The following UBE2O variants were observed in gnomAD, a reference collection of about 807,000 sequenced individuals.
The protein encoded by UBE2O is (E3-independent) E2 ubiquitin-conjugating enzyme.
Under a neutral mutation model 125.8 loss-of-function variants are expected in UBE2O, and 15 were observed. The observed-to-expected ratio is 0.12, with a 90% CI of 0.08 to 0.18. UBE2O has a LOEUF of 0.18. Among genes scored for constraint, UBE2O ranks in the 10% least tolerant of loss-of-function variants. UBE2O has a pLI of 1.00. For synonymous variants in UBE2O, 708 were observed against 703.2 expected, an observed-to-expected ratio of 1.01 and a Z score of -0.11; for missense variants, 1,280 against 1,723.6, an observed-to-expected ratio of 0.74 and a Z score of 4.56.
chr17:76,397,976 G>A (rs2072245971), intron 12 of UBE2O, 88 bp from the exon 13 acceptor site: 6 of 1,413,162 alleles, frequency 4.2e-6, no homozygotes, highest in South Asian at 1.2e-5. Context: ...CTGACATCAT[G>A]CCCACCTGGC....
chr17:76,400,868 C>T lies in UBE2O; in HGVS notation c.894+143G>A. On this transcript the variant is annotated intron_variant, in intron 6 of 17. Coordinates refer to ENST00000319380, the MANE Select transcript of UBE2O (RefSeq NM_022066.4). The surrounding 1 kb of genome is among the most constrained non-coding windows in gnomAD (Gnocchi z 4.3). Reference sequence around the variant, plus strand: ...TGACCAGAGCCTGGGTTCCCTTTATCCCCAAAGCCCTTTGAGATCAACAGG... The same window carrying T: ...TGACCAGAGCCTGGGTTCCCTTTATTCCCAAAGCCCTTTGAGATCAACAGG... 1 of 1,046,702 alleles carries T rather than the reference C, an allele frequency of 9.6e-7. No homozygotes were observed. The highest frequency in any genetic ancestry group is 1.4e-6 in the Non-Finnish European group (1 of 738,820). 64.8% of individuals were successfully genotyped at this position (1,046,702 alleles called of 1,614,324 possible).
Position 76,398,901 on chromosome 17 carries a change from G to C in UBE2O, c.1719C>G (p.Leu573=). 1 of 1,614,164 alleles carries C rather than the reference G, an allele frequency of 6.2e-7. No individual in the cohort carries two copies. The highest frequency in any genetic ancestry group is 2.2e-5 in the East Asian group (1 of 44,878). Reference sequence around the variant, plus strand: ...TGTTGTCCAGGTGGTGCACAGGGAAGAGGTCGTTGGAGCGGATGTTGCATT... The same window carrying C: ...TGTTGTCCAGGTGGTGCACAGGGAACAGGTCGTTGGAGCGGATGTTGCATT... ...SVECNIRSND[L]FPVHHLDNNE... Residue 573 remains leucine, a synonymous_variant, in exon 10 of 18, where the codon CTC becomes CTG. Transcript: ENST00000319380. The surrounding 1 kb of genome is among the most constrained non-coding windows in gnomAD (Gnocchi z 5.4).
At position 76,391,305 on chromosome 17, in the gene UBE2O, C is replaced by G. The variant is rs1478591515; in HGVS notation, c.3517G>C (p.Ala1173Pro). The part of the protein sequence containing the change: ...PKASSSPEPP[A>P]VAELSDSGQQ... Reference sequence around the variant, plus strand: ...CCGGAGTCTGACAGCTCGGCTACAGCTGGGGGCTCTGGCGAGCTGCTGGCC... The same window carrying G: ...CCGGAGTCTGACAGCTCGGCTACAGGTGGGGGCTCTGGCGAGCTGCTGGCC... The change falls in exon 18 of 18, where the codon GCT (alanine) becomes CCT (proline). Residue 1173 changes from alanine to proline, a missense_variant. Around this residue, in one of 10 missense-constraint regions of UBE2O, gnomAD observed 233 missense variants for 279.0 expected, o/e 0.84. Coordinates refer to ENST00000319380, the MANE Select transcript of UBE2O (RefSeq NM_022066.4). The surrounding 1 kb of genome is among the most constrained non-coding windows in gnomAD (Gnocchi z 8.4). 1.2e-6 allele frequency: 2 copies of G among 1,612,908 alleles called. No individual in the cohort carries two copies. The highest frequency in any genetic ancestry group is 1.7e-6 in the Non-Finnish European group (2 of 1,180,004).
Position 76,395,517 on chromosome 17 carries a change from A to C in UBE2O, c.2946+208T>G. 2 of 516,754 alleles carry C rather than the reference A, an allele frequency of 3.9e-6. No individual in the cohort carries two copies. The highest frequency in any genetic ancestry group is 3.3e-6 in the Non-Finnish European group (1 of 300,134). 32.0% of individuals were successfully genotyped at this position (516,754 alleles called of 1,614,324 possible). ...GAGAAAGTAATTTTTTAAAGGAGGG[A>C]GGAAAGAAAGAACCATCTGGCCTGG... On this transcript the variant is annotated intron_variant, in intron 15 of 17. Coordinates refer to ENST00000319380, the MANE Select transcript of UBE2O (RefSeq NM_022066.4). The surrounding 1 kb of genome is among the most constrained non-coding windows in gnomAD (Gnocchi z 5.0).
intron 3 of UBE2O, among the ~76,000 whole-genome samples, chr17:76,403,652 T>C (rs775876087): frequency 6.6e-5 from 10 of 152,176 alleles, no homozygotes; most frequent in Non-Finnish European, 1.0e-4. Flanking sequence ...ATATAATACA[T>C]ATGTATTTCC....
At position 76,404,357 on chromosome 17, in the gene UBE2O, CG is replaced by C. The variant is rs879556686; in HGVS notation, c.588+848del. On this transcript the variant is annotated intron_variant, in intron 3 of 17. Coordinates refer to ENST00000319380, the MANE Select transcript of UBE2O (RefSeq NM_022066.4). The surrounding 1 kb of genome is among the most constrained non-coding windows in gnomAD (Gnocchi z 4.3). ...TACCATGAACCAGGGCAGAGCTCTG[CG>C]GCGGGCCTGCCAAGAACACGTGGGC... 1.1e-4 allele frequency among the ~76,000 whole-genome samples: 17 copies of C among 152,292 alleles called. No individual in the cohort carries two copies. The highest frequency in any genetic ancestry group is 2.4e-4 in the Non-Finnish European group (16 of 68,024).
chr17:76,397,986 C>T, intron 12 of UBE2O, 98 bp from the exon 13 acceptor site: 2 of 1,365,308 alleles, frequency 1.5e-6, no homozygotes, highest in Non-Finnish European at 2.1e-6. Context: ...GCCCACCTGG[C>T]TTGTGACAAG....
At position 76,452,779 on chromosome 17, in the gene UBE2O, G is replaced by A; in HGVS notation, c.363C>T (p.Tyr121=). The change falls in exon 1 of 18, where the codon TAC becomes TAT. Residue 121 remains tyrosine, a synonymous_variant. Transcript: ENST00000319380. This position sits in a 1 kb window ranked among gnomAD's most constrained non-coding sequence, Gnocchi z 4.4. ...EGRASPLRRG[Y]VRVQWYPEGV... ...CCTCCGGGTACCACTGGACGCGCAC[G>A]TAGCCGCGGCGCAGGGGGCTGGCCC... The A allele has an allele frequency of 1.3e-6, 2 of 1,522,234 alleles. No individual in the cohort carries two copies. The highest frequency in any genetic ancestry group is 1.8e-6 in the Non-Finnish European group (2 of 1,142,360). The allele number at this position is 1,522,234 out of a possible 1,614,324, so 94.3% of individuals were successfully genotyped here.
chr17:76,411,638 A>C (rs1474138764), intron 1 of UBE2O, among the ~76,000 whole-genome samples: 1 of 152,172 alleles, frequency 6.6e-6, no homozygotes, highest in Non-Finnish European at 1.5e-5. Context: ...CCCGGGGTAA[A>C]AGGCAACCCC....
At chr17:76,401,481 G>C (rs2072323424) in intron 5 of UBE2O, among the ~76,000 whole-genome samples, 1 of 152,170 alleles carries the variant, frequency 6.6e-6, no homozygotes, top group African/African-American at 2.4e-5. Context: ...CTTGTTTGCT[G>C]TGTGTGTCCA....
chr17:76,395,223 C>T lies in UBE2O; in HGVS notation c.2946+502G>A, dbSNP rs2072183638. The T allele has an allele frequency of 6.6e-6, 1 of 152,026 alleles. No homozygotes were observed. The highest frequency in any genetic ancestry group is 1.5e-5 in the Non-Finnish European group (1 of 68,110). The allele number at this position is 152,026 out of a possible 1,614,324, so 9.4% of individuals were successfully genotyped here. A position where few individuals can be genotyped will look rare whatever the true frequency, so the allele number is the denominator to read the frequency against. Reference sequence around the variant, plus strand: ...TTGAGACAGAATCTCGCTCTGTCACCCAGGCTGGAGTGCAGTGGCGTGATC... The same window carrying T: ...TTGAGACAGAATCTCGCTCTGTCACTCAGGCTGGAGTGCAGTGGCGTGATC... On this transcript the variant is annotated intron_variant, in intron 15 of 17. Transcript: ENST00000319380. This position sits in a 1 kb window ranked among gnomAD's most constrained non-coding sequence, Gnocchi z 5.0.
Position 76,390,575 on chromosome 17 carries a change from C to T in UBE2O, c.*368G>A, listed in dbSNP as rs538973925. 122 of 202,478 alleles carry T rather than the reference C, an allele frequency of 6.0e-4. 1 individual carries two copies. The highest frequency in any genetic ancestry group is 8.6e-4 in the Non-Finnish European group (86 of 99,894). The allele number at this position is 202,478 out of a possible 1,614,324, so 12.5% of individuals were successfully genotyped here. On this transcript the variant is annotated 3_prime_UTR_variant, in exon 18 of 18. Transcript: ENST00000319380. ...CATGCAAGGCACATGTGCTCTCCTG[C>T]GGGTCTGCAGGGAACCGGCCCAGAG...
chr17:76,395,726 A>G lies in UBE2O; in HGVS notation c.2945T>C (p.Met982Thr). 1 of 1,613,606 alleles carries G rather than the reference A, an allele frequency of 6.2e-7. No homozygotes were observed. The highest frequency in any genetic ancestry group is 8.5e-7 in the Non-Finnish European group (1 of 1,179,832). The change falls in exon 15 of 18, where the codon ATG becomes ACG. Residue 982 changes from methionine to threonine, a missense_variant and splice_region_variant. Physicochemically the swap from Met to Thr is moderately conservative, Grantham distance 81 (BLOSUM62 -1). Transcript: ENST00000319380. This position sits in a 1 kb window ranked among gnomAD's most constrained non-coding sequence, Gnocchi z 5.0. The part of the protein sequence containing the change: ...GIMVKTFEDR[M>T]DLFSALIKGP... ...CCTGCCCATGCCAAGCCTACTTGCC[A>G]TTCTATCTTCAAAAGTCTTGACCAT...
Position 76,405,725 on chromosome 17 carries a change from A to G in UBE2O, c.418-153T>C, listed in dbSNP as rs1184743933. Among the ~76,000 whole-genome samples, 1 of 151,856 alleles carries G rather than the reference A, an allele frequency of 6.6e-6. No homozygotes were observed. Among genetic ancestry groups the G allele is most frequent in the Admixed American group, 6.6e-5 (1 of 15,240 alleles). On this transcript the variant is annotated intron_variant, in intron 1 of 17. Transcript: ENST00000319380. This position sits in a 1 kb window ranked among gnomAD's most constrained non-coding sequence, Gnocchi z 6.1. ...AGCAGTATCTTCACAGACCGCACAC[A>G]CCTCCGACCAGCACCCAGACCCACA...
chr17:76,427,943 G>C (rs1470865360), intron 1 of UBE2O, among the ~76,000 whole-genome samples: 2 of 152,142 alleles, frequency 1.3e-5, no homozygotes, highest in East Asian at 3.8e-4. Flanking sequence ...GTCGATTTCA[G>C]GGTCCAATGA....
chr17:76,429,541 C>CAAAAAAAAA (rs61081315), intron 1 of UBE2O, among the ~76,000 whole-genome samples: 2 of 71,806 alleles, frequency 2.8e-5, no homozygotes, highest in African/African-American at 5.7e-5. Context: ...GACTCTGTCT[C>CAAAAAAAAA]AAAAAAAAAA....
intron 1 of UBE2O, among the ~76,000 whole-genome samples, chr17:76,427,254 C>T (rs927334045): frequency 3.9e-5 from 6 of 152,182 alleles, no homozygotes; most frequent in Admixed American, 3.9e-4. Flanking sequence ...TCCCATAGTT[C>T]TCTCTTGAGA....
rs772951276 is a variant in UBE2O, at chr17:76,400,067, C to T, written c.1155+80G>A. 1 of 1,560,404 alleles carries T rather than the reference C, an allele frequency of 6.4e-7. No individual in the cohort carries two copies. Among genetic ancestry groups the T allele is most frequent in the African/African-American group, 1.4e-5 (1 of 73,670 alleles). ...GGGCTGCCCCCCAAGGCCTAAAGCA[C>T]AGACTGTCCTTCTTGGCCATGGAAA... On this transcript the variant is annotated intron_variant, in intron 8 of 17. Coordinates refer to ENST00000319380, the MANE Select transcript of UBE2O (RefSeq NM_022066.4). The surrounding 1 kb of genome is among the most constrained non-coding windows in gnomAD (Gnocchi z 4.3).
At chr17:76,434,744 C>A (rs1017942240) in intron 1 of UBE2O, among the ~76,000 whole-genome samples, 1 of 147,256 alleles carries the variant, frequency 6.8e-6, no homozygotes, top group African/African-American at 2.5e-5. Context: ...AAGGCACCTG[C>A]GATGTTCTGG....
Sources: allele counts gnomAD v4.1 joint callset (sites outside exome capture counted in the v4.1 genomes callset), GRCh38; gene constraint gnomAD v4.1.1; regional missense constraint gnomAD v4.1.1; non-coding constraint Gnocchi (gnomAD v3.1); transcripts MANE v1.5; gene names NCBI Gene and HGNC (gene_info 2026-07-23, HGNC 2026-07-21).